ARID1B: variants seen among roughly 807,000 people sequenced by gnomAD.
The protein encoded by ARID1B is AT-rich interactive domain-containing protein 1B.
A neutral mutation model predicts 212.3 loss-of-function variants in ARID1B; 30 were observed. The observed-to-expected ratio is 0.14, with a 90% CI of 0.11 to 0.19. The LOEUF (loss-of-function observed/expected upper bound fraction) is 0.19, where lower values mean the gene tolerates loss of function less well. ARID1B is among the 10% of genes least tolerant of loss of function. The pLI, the probability that ARID1B is intolerant of heterozygous loss-of-function variation, is 1.00. For synonymous variants in ARID1B, 1,402 were observed against 1,301.7 expected (o/e 1.08, Z -1.66); for missense variants, 2,891 against 3,204.0 (o/e 0.90, Z 2.36).
At chr6:156,975,287 C>T (rs1777154354) in intron 4 of ARID1B, among the ~76,000 whole-genome samples, 1 of 152,024 alleles carries the variant, frequency 6.6e-6, no homozygotes. Flanking sequence ...ATTTATACAC[C>T]CTTTTTGGTG....
chr6:156,960,230 C>G (rs2171798), intron 4 of ARID1B, among the ~76,000 whole-genome samples: 3 of 151,818 alleles, frequency 2.0e-5, no homozygotes, highest in East Asian at 1.9e-4. Flanking sequence ...CGCCTGGCCA[C>G]TTGTCCCCTT....
At chr6:156,967,424 G>C (rs906156801) in intron 4 of ARID1B, among the ~76,000 whole-genome samples, 3 of 152,186 alleles carry the variant, frequency 2.0e-5, no homozygotes, top group African/African-American at 7.2e-5. Context: ...TGTCACCAAT[G>C]AAGTTAATGA....
chr6:157,058,711 C>G (rs62424290), intron 4 of ARID1B, among the ~76,000 whole-genome samples: 6,664 of 152,304 alleles, frequency 0.044, 174 homozygotes, highest in Middle Eastern at 0.075. Context: ...TCCTGCCTCA[C>G]TCACCCGTGC....
At chr6:156,871,656 A>G (rs746898231) in intron 2 of ARID1B, 3 of 1,612,222 alleles carry the variant, frequency 1.9e-6, no homozygotes, top group South Asian at 2.2e-5. Flanking sequence ...CTGGTTGGCA[A>G]GTATCTTCTT....
intron 4 of ARID1B, among the ~76,000 whole-genome samples, chr6:157,026,227 A>G (rs1780656694): frequency 6.6e-6 from 1 of 152,156 alleles, no homozygotes; most frequent in South Asian, 2.1e-4. Context: ...TTTAAAAATC[A>G]GATCTCTCCT....
At chr6:157,021,703 C>T (rs1022333473) in intron 4 of ARID1B, among the ~76,000 whole-genome samples, 2 of 151,988 alleles carry the variant, frequency 1.3e-5, no homozygotes, top group African/African-American at 2.4e-5. Context: ...CAAGCGCGGC[C>T]GCCGCCTGCA....
chr6:157,051,869 A>T (rs143353937), intron 4 of ARID1B, among the ~76,000 whole-genome samples: 87 of 152,262 alleles, frequency 5.7e-4, no homozygotes, highest in African/African-American at 2.1e-3. Context: ...TTGTCACATG[A>T]TATATTACTT....
chr6:157,122,758 A>T (rs567033661), intron 6 of ARID1B, among the ~76,000 whole-genome samples: 1 of 152,190 alleles, frequency 6.6e-6, no homozygotes, highest in Admixed American at 6.5e-5. Context: ...GGCTCACTGC[A>T]ACCTCTGCCT....
At chr6:156,901,111 C>G (rs189513976) in intron 2 of ARID1B, among the ~76,000 whole-genome samples, 2 of 152,264 alleles carry the variant, frequency 1.3e-5, no homozygotes, top group East Asian at 3.9e-4. Context: ...ACTTCCTCCC[C>G]TCTCCACCTT....
intron 13 of ARID1B, among the ~76,000 whole-genome samples, chr6:157,189,191 C>T (rs1018335746): frequency 1.3e-5 from 2 of 152,168 alleles, no homozygotes; most frequent in Admixed American, 6.5e-5. Context: ...TTTCTAATTT[C>T]GTTTCTAAAA....
intron 2 of ARID1B, among the ~76,000 whole-genome samples, chr6:156,869,284 C>G (rs947215943): frequency 1.3e-5 from 2 of 152,040 alleles, no homozygotes; most frequent in African/African-American, 4.8e-5. Context: ...TTTTTTGTCT[C>G]TCTGTCATAG....
chr6:157,055,160 T>C (rs1338517761), intron 4 of ARID1B, among the ~76,000 whole-genome samples: 4 of 152,198 alleles, frequency 2.6e-5, no homozygotes, highest in African/African-American at 9.7e-5. Flanking sequence ...AGGGGACCAT[T>C]TGCATTGGTT....
intron 15 of ARID1B, among the ~76,000 whole-genome samples, chr6:157,192,543 G>A (rs886650607): frequency 6.6e-6 from 1 of 152,138 alleles, no homozygotes; most frequent in African/African-American, 2.4e-5. Flanking sequence ...TTTCACTTAC[G>A]ATATTTTTGA....
chr6:157,048,808 G>A (rs1281880857), intron 4 of ARID1B, among the ~76,000 whole-genome samples: 1 of 152,176 alleles, frequency 6.6e-6, no homozygotes, highest in Non-Finnish European at 1.5e-5. Context: ...TTATTCGTTT[G>A]TGCATAGCCA....
At chr6:157,031,039 G>C (rs1464973681) in intron 4 of ARID1B, among the ~76,000 whole-genome samples, 1 of 151,306 alleles carries the variant, frequency 6.6e-6, no homozygotes, top group African/African-American at 2.4e-5. Flanking sequence ...AAAGAGGAAT[G>C]CTGGCAGTGG....
rs557737153 is a variant in ARID1B at position 157,031,447 on chromosome 6, A to G, written c.2248-53215A>G. Among the ~76,000 whole-genome samples, 4 of 152,332 alleles carry G rather than the reference A, an allele frequency of 2.6e-5. No homozygotes were observed. In the East Asian group the frequency reaches 7.7e-4, roughly 29 times the overall value. On this transcript the variant is annotated intron_variant, in intron 4 of 19. Transcript: ENST00000636930. Reference sequence around the variant, plus strand: ...TAAATTCTTGGTAATACCCTTGCAGATAAATATTATTGTGACTGGAAATTT... The same window carrying G: ...TAAATTCTTGGTAATACCCTTGCAGGTAAATATTATTGTGACTGGAAATTT...
intron 3 of ARID1B, among the ~76,000 whole-genome samples, chr6:156,919,480 G>C (rs986444038): frequency 1.3e-5 from 2 of 152,120 alleles, no homozygotes; most frequent in African/African-American, 4.8e-5. Context: ...GGGATGGAAG[G>C]CTCCTCCTGA....
intron 4 of ARID1B, chr6:156,984,567 C>A (rs1476914954): frequency 6.6e-6 from 1 of 152,234 alleles, no homozygotes; most frequent in African/African-American, 2.4e-5. Context: ...ACACAGGAAT[C>A]TACAAGTGCT....
intron 2 of ARID1B, among the ~76,000 whole-genome samples, chr6:156,830,033 C>G (rs963382635): frequency 1.3e-5 from 2 of 152,166 alleles, no homozygotes; most frequent in Non-Finnish European, 2.9e-5. Context: ...AGAGACCCAA[C>G]ATTTTCCTTT....
Sources: gnomAD v4.1 joint callset for allele counts (sites outside exome capture counted in the v4.1 genomes callset) on GRCh38, gnomAD v4.1.1 for gene constraint, MANE v1.5 for transcripts, NCBI Gene and HGNC (gene_info 2026-07-23, HGNC 2026-07-21) for gene names.